CACNA1H: variants seen among roughly 807,000 people sequenced by gnomAD.
CACNA1H encodes the protein voltage-dependent T-type calcium channel subunit alpha-1H.
Under a neutral mutation model 192.5 loss-of-function variants are expected in CACNA1H, and 149 were observed. The ratio of observed to expected loss-of-function variants is 0.77; its 90% CI spans 0.68 to 0.89. The LOEUF is 0.89. CACNA1H is among the 40% of genes least tolerant of loss of function. CACNA1H has a pLI of 0.00. For synonymous variants in CACNA1H, 2,202 were observed against 1,475.2 expected (o/e 1.49, Z -11.29); for missense variants, 4,257 against 3,423.5 (o/e 1.24, Z -6.08).
intron 2 of CACNA1H, among the ~76,000 whole-genome samples, chr16:1,161,449 T>TG (rs1188506419): frequency 2.0e-5 from 3 of 152,236 alleles, no homozygotes; most frequent in Non-Finnish European, 2.9e-5. Flanking sequence ...AGGACTGAGG[T>TG]GGGGATACCT....
In CACNA1H at chr16:1,198,371, C is replaced by T. The variant is rs11643076; in HGVS notation, c.644-244C>T. Reference sequence around the variant, plus strand: ...ATGGTTGGAGGTGGAGACCTGGCGCCCCGCTGGATGCACGTCAGACCCCAG... The same window carrying T: ...ATGGTTGGAGGTGGAGACCTGGCGCTCCGCTGGATGCACGTCAGACCCCAG... On this transcript the variant is annotated intron_variant, in intron 5 of 34. Transcript: ENST00000348261. Among the ~76,000 whole-genome samples, 24,359 of 152,170 alleles carry T rather than the reference C, an allele frequency of 0.16. 2,239 individuals are homozygous for T. Among genetic ancestry groups the T allele is most frequent in the African/African-American group, 0.25 (10,187 of 41,492 alleles).
chr16:1,184,744 C>T (rs770739783), intron 2 of CACNA1H, among the ~76,000 whole-genome samples: 7 of 152,218 alleles, frequency 4.6e-5, no homozygotes, highest in Admixed American at 1.3e-4. Context: ...GCCCATGTGC[C>T]GGGTCTCAAT....
At chr16:1,219,547 A>G (rs1970311585) in intron 34 of CACNA1H, among the ~76,000 whole-genome samples, 1 of 152,176 alleles carries the variant, frequency 6.6e-6, no homozygotes, top group African/African-American at 2.4e-5. Context: ...GCTTGTGTTC[A>G]GATGTCCCAG....
chr16:1,208,268 C>T, intron 16 of CACNA1H, 47 bp downstream of exon 16: 1 of 1,378,626 alleles, frequency 7.3e-7, no homozygotes, highest in Non-Finnish European at 1.0e-6. Flanking sequence ...TCAGGTTTTC[C>T]CTGCCTGGCT....
At chr16:1,215,434 T>C (rs1050831314) in intron 29 of CACNA1H, 59 bp downstream of exon 29, 78 of 563,314 alleles carry the variant, frequency 1.4e-4, no homozygotes, top group Non-Finnish European at 2.4e-4. Context: ...GGCTCAGCCA[T>C]GGGTGGGAGT....
intron 21 of CACNA1H, 86 bp downstream of exon 21, chr16:1,211,057 G>A: frequency 2.6e-6 from 4 of 1,556,240 alleles, no homozygotes; most frequent in Non-Finnish European, 3.5e-6. Context: ...GCAGTCCTGG[G>A]CTGTTCGCAG....
Position 1,153,715 on chromosome 16 carries a change from T to G in CACNA1H, c.-18-5T>G. On this transcript the variant is annotated splice_polypyrimidine_tract_variant and splice_region_variant and intron_variant, in intron 1 of 34. Coordinates refer to ENST00000348261, the MANE Select transcript of CACNA1H (RefSeq NM_021098.3). ...CGGCCCCGGGTCACCCCCTGTCCTC[T>G]GCAGGTGCTGCCGGCCGCCACCATG... The G allele has an allele frequency of 8.3e-7, 1 of 1,198,688 alleles. No individual in the cohort carries two copies. The highest frequency in any genetic ancestry group is 1.0e-6 in the Non-Finnish European group (1 of 967,400). The allele number at this position is 1,198,688 out of a possible 1,614,324, so 74.3% of individuals were successfully genotyped here.
chr16:1,206,549 G>A, intron 12 of CACNA1H: 1 of 532,458 alleles, frequency 1.9e-6, no homozygotes, highest in Non-Finnish European at 3.3e-6. Flanking sequence ...ATTTACTCAA[G>A]AGCAGAATAC....
At chr16:1,193,489 T>C (rs1355260751) in intron 2 of CACNA1H, among the ~76,000 whole-genome samples, 1 of 152,198 alleles carries the variant, frequency 6.6e-6, no homozygotes, top group South Asian at 2.1e-4. Flanking sequence ...GTGAAGGCGC[T>C]CACACACTCT....
At position 1,221,069 on chromosome 16, in the gene CACNA1H, C is replaced by A. The variant is rs1467038127; in HGVS notation, c.*75C>A. On this transcript the variant is annotated 3_prime_UTR_variant, in exon 35 of 35. Transcript: ENST00000348261. ...CGCTGGGGTGGAGGCCCAGGCAGAA[C>A]CCTGCATGGACCCTGACTTGGGTCC... 8.8e-6 allele frequency: 10 copies of A among 1,136,366 alleles called. No homozygotes were observed. Among genetic ancestry groups the A allele is most frequent in the Non-Finnish European group, 1.2e-5 (10 of 812,246 alleles). 70.4% of individuals were successfully genotyped at this position (1,136,366 alleles called of 1,614,324 possible).
intron 2 of CACNA1H, among the ~76,000 whole-genome samples, chr16:1,163,573 G>C (rs1260404707): frequency 1.3e-5 from 2 of 152,224 alleles, no homozygotes; most frequent in East Asian, 3.9e-4. Context: ...CCACACACAC[G>C]GTCCCTGCCC....
Position 1,195,051 on chromosome 16 carries a change from G to A in CACNA1H, c.379G>A (p.Glu127Lys), listed in dbSNP as rs761719764. 2.5e-6 allele frequency: 4 copies of A among 1,610,676 alleles called. No homozygotes were observed. The highest frequency in any genetic ancestry group is 3.4e-6 in the Non-Finnish European group (4 of 1,178,470). ...CATGTTCCGGCCCTGTGAGGACGTT[G>A]AGTGCGGCTCCGAGCGCTGCAACAT... Reference protein sequence around the residue: ...LGMFRPCEDVECGSERCNILE... With the variant: ...LGMFRPCEDVKCGSERCNILE... Residue 127 changes from glutamate (E) to lysine (K), a missense_variant, in exon 3 of 35, where the codon GAG becomes AAG. Glu to Lys is a moderately conservative substitution (Grantham distance 56, BLOSUM62 1). Transcript: ENST00000348261.
At chr16:1,198,801 CCCTGCCCAGA>C in intron 6 of CACNA1H, 27 bp downstream of exon 6, 1 of 1,593,870 alleles carries the variant, frequency 6.3e-7, no homozygotes, top group Non-Finnish European at 8.5e-7. Context: ...CCCGTGAGGC[CCCTGCCCAGA>C]TGGCCCTGCC....
At chr16:1,157,360 C>T (rs115407521) in intron 2 of CACNA1H, among the ~76,000 whole-genome samples, 147 of 152,320 alleles carry the variant, frequency 9.7e-4, no homozygotes, top group African/African-American at 3.4e-3. Context: ...TCAAGGTCAT[C>T]GGGATGCTGA....
intron 2 of CACNA1H, among the ~76,000 whole-genome samples, chr16:1,164,395 C>T (rs1465455026): frequency 6.6e-6 from 1 of 152,124 alleles, no homozygotes; most frequent in African/African-American, 2.4e-5. Context: ...TGCAGTGGTG[C>T]AGTCACCCCT....
In CACNA1H at chr16:1,198,661, C is replaced by A; in HGVS notation, c.690C>A (p.Leu230=). 2.5e-6 allele frequency: 4 copies of A among 1,613,468 alleles called. No homozygotes were observed. The highest frequency in any genetic ancestry group is 3.4e-6 in the Non-Finnish European group (4 of 1,179,650). Residue 230 remains leucine (L), a synonymous_variant, in exon 6 of 35, where the codon CTC becomes CTA. Transcript: ENST00000348261. ...VTLLLDTLPM[L]GNVLLLCFFV... ...TGCTGCTGGATACGCTGCCCATGCT[C>A]GGGAACGTCCTTCTGCTGTGCTTCT...
chr16:1,176,180 G>A (rs1165663138), intron 2 of CACNA1H, among the ~76,000 whole-genome samples: 1 of 152,264 alleles, frequency 6.6e-6, no homozygotes, highest in Non-Finnish European at 1.5e-5. Flanking sequence ...TAAACGCTGT[G>A]TGGTTACAGA....
chr16:1,200,626 C>T, intron 7 of CACNA1H, 55 bp downstream of exon 7: 2 of 1,597,660 alleles, frequency 1.3e-6, no homozygotes, highest in Non-Finnish European at 8.5e-7. Flanking sequence ...GGAGCGGGTG[C>T]AGGACTCGCC....
chr16:1,214,608 CAA>C (rs1279451492), intron 27 of CACNA1H, among the ~76,000 whole-genome samples: 2 of 152,118 alleles, frequency 1.3e-5, no homozygotes, highest in African/African-American at 2.4e-5. Flanking sequence ...CCGAGGTGCT[CAA>C]GTCAGTAGAA....
Sources: gnomAD v4.1 joint callset for allele counts (sites outside exome capture counted in the v4.1 genomes callset) on GRCh38, gnomAD v4.1.1 for gene constraint, MANE v1.5 for transcripts, NCBI Gene and HGNC (gene_info 2026-07-23, HGNC 2026-07-21) for gene names.